STAG3: variants seen among roughly 807,000 people sequenced by gnomAD.
The protein encoded by STAG3 is cohesin subunit SA-3.
Under a neutral mutation model 160.7 loss-of-function variants are expected in STAG3, and 101 were observed. That is an observed-to-expected ratio of 0.63 (90% confidence interval 0.54 to 0.74). The LOEUF (loss-of-function observed/expected upper bound fraction) is 0.74, where lower values mean the gene tolerates loss of function less well. Among genes scored for constraint, STAG3 ranks in the 30% least tolerant of loss-of-function variants. The pLI is 0.00. For synonymous variants in STAG3, 519 were observed against 585.0 expected (o/e 0.89, Z 1.63); for missense variants, 1,188 against 1,517.4 (o/e 0.78, Z 3.61).
chr7:100,188,743 C>T (rs1468500873), intron 6 of STAG3, 69 bp from the exon 7 acceptor site: 1 of 1,503,570 alleles, frequency 6.7e-7, no homozygotes, highest in Non-Finnish European at 9.2e-7. Flanking sequence ...TGAGTTTTGA[C>T]ATCCAAGCCC....
At chr7:100,203,359 T>C (rs1007654163) in intron 25 of STAG3, among the ~76,000 whole-genome samples, 7 of 151,252 alleles carry the variant, frequency 4.6e-5, no homozygotes, top group Non-Finnish European at 1.0e-4. Context: ...CTAATTTTTA[T>C]AGTTTTAGTA....
intron 5 of STAG3, among the ~76,000 whole-genome samples, chr7:100,186,846 C>G (rs553352878): frequency 6.6e-6 from 1 of 151,526 alleles, no homozygotes; most frequent in South Asian, 2.1e-4. Context: ...ACCCTTTGGT[C>G]TTTCTGGATG....
Position 100,211,490 on chromosome 7 carries a change from C to T in STAG3, c.3469C>T (p.Gln1157Ter), listed in dbSNP as rs144728061. The T allele has an allele frequency of 6.8e-6, 11 of 1,613,896 alleles. No individual in the cohort carries two copies. The African/African-American group carries it at 9.3e-5, about 14-fold the overall frequency. The change falls in exon 31 of 34, where the codon CAG (glutamine) becomes TAG (stop). Residue 1157 changes from glutamine to a stop codon, truncating the protein, a stop_gained. Transcript: ENST00000615138. LOFTEE classifies it high-confidence loss of function. ...AAGGTTCTTGGGTCCACAATATTTC[C>T]AGACTCCACACAACCCTTCAGGTCC... ...RSRFLGPQYF[Q>*]TPHNPSGPGL...
chr7:100,180,887 T>G (rs1213098315), intron 2 of STAG3: 3 of 386,740 alleles, frequency 7.8e-6, no homozygotes, highest in Admixed American at 4.3e-5. Flanking sequence ...CCTGTTTTTT[T>G]TTTTTTTTTT....
Position 100,202,601 on chromosome 7 carries a change from GCCC to G in STAG3, c.2700+12_2700+14del. 6.2e-7 allele frequency: 1 copy of G among 1,608,054 alleles called. No homozygotes were observed. The stretch of plus-strand genomic sequence containing the variant: ...AAACACTACAACAAGGTACACCAAG[GCCC>G]TACAGAAATAAAAGAGAAGGGAGCA... On this transcript the variant is annotated intron_variant, in intron 25 of 33. Coordinates refer to ENST00000615138, the MANE Select transcript of STAG3 (RefSeq NM_001282717.2).
At chr7:100,201,484 G>A (rs1025884872) in intron 21 of STAG3, 133 bp downstream of exon 21, 84 of 752,162 alleles carry the variant, frequency 1.1e-4, no homozygotes, top group Admixed American at 6.2e-4. Flanking sequence ...GGTGGGTGGG[G>A]GTCACCTCTT....
chr7:100,197,923 A>G (rs13310513), intron 11 of STAG3, 47 bp downstream of exon 11: 3 of 1,571,844 alleles, frequency 1.9e-6, no homozygotes, highest in South Asian at 1.1e-5. Flanking sequence ...CGTGGTTCCT[A>G]TTTCCCCACC....
rs1584711882 is a variant in STAG3 at position 100,197,990 on chromosome 7, C to T, written c.1165-97C>T. On this transcript the variant is annotated intron_variant, in intron 11 of 33. Coordinates refer to ENST00000615138, the MANE Select transcript of STAG3 (RefSeq NM_001282717.2). ...GTCTTGGCTATCCCAGCATCTGCCT[C>T]TACGTAGGCACTCTCTTTAGGAGTC... 9.4e-6 allele frequency: 14 copies of T among 1,490,246 alleles called. No individual in the cohort carries two copies. The East Asian group carries it at 3.2e-4, about 34-fold the overall frequency. The allele number at this position is 1,490,246 out of a possible 1,614,324, so 92.3% of individuals were successfully genotyped here.
chr7:100,211,341 C>A, intron 30 of STAG3, 94 bp from the exon 31 acceptor site: 1 of 1,497,618 alleles, frequency 6.7e-7, no homozygotes, highest in Non-Finnish European at 9.2e-7. Context: ...TAAAATGCAT[C>A]TCTCTGAGCT....
At chr7:100,204,823 G>GC (rs1217447962) in intron 27 of STAG3, 48 bp downstream of exon 27, 1 of 1,609,216 alleles carries the variant, frequency 6.2e-7, no homozygotes, top group South Asian at 1.1e-5. Context: ...CTGGGAACGA[G>GC]GTCTTGGAGG....
chr7:100,205,706 T>C (rs948284969), intron 29 of STAG3, among the ~76,000 whole-genome samples: 12 of 151,954 alleles, frequency 7.9e-5, no homozygotes, highest in African/African-American at 2.9e-4. Flanking sequence ...GGCGCGCATC[T>C]GTAATCCCAA....
intron 5 of STAG3, among the ~76,000 whole-genome samples, chr7:100,187,275 G>A (rs1275207823): frequency 4.6e-5 from 7 of 151,556 alleles, no homozygotes; most frequent in South Asian, 2.1e-4. Flanking sequence ...CCCCTGCCTC[G>A]ACCTCCCAAA....
chr7:100,216,080 C>A (rs550419995), downstream of STAG3, among the ~76,000 whole-genome samples: 1 of 152,316 alleles, frequency 6.6e-6, no homozygotes, highest in East Asian at 1.9e-4. Flanking sequence ...ATGATTCCAA[C>A]CTTCCCTGTT....
At position 100,201,853 on chromosome 7, in the gene STAG3, C is replaced by T; in HGVS notation, c.2288C>T (p.Ser763Leu). 1 of 1,614,142 alleles carries T rather than the reference C, an allele frequency of 6.2e-7. No homozygotes were observed. Among genetic ancestry groups the T allele is most frequent in the Non-Finnish European group, 8.5e-7 (1 of 1,180,020 alleles). Reference sequence around the variant, plus strand: ...TGGACACTAACCCACATTTCTAAATCAGATGCTTCCCAGGTGAGTGTGGGT... The same window carrying T: ...TGGACACTAACCCACATTTCTAAATTAGATGCTTCCCAGGTGAGTGTGGGT... ...ILWTLTHISKSDASQKQLSSL... is the reference protein window; with the variant it reads ...ILWTLTHISKLDASQKQLSSL... The change falls in exon 22 of 34, where the codon TCA becomes TTA. Residue 763 changes from serine to leucine, a missense_variant. Physicochemically the swap from Ser to Leu is moderately radical, Grantham distance 145. Coordinates refer to ENST00000615138, the MANE Select transcript of STAG3 (RefSeq NM_001282717.2).
chr7:100,198,240 T>G (rs1175318374), intron 12 of STAG3, 74 bp downstream of exon 12: 56 of 1,423,064 alleles, frequency 3.9e-5, no homozygotes, highest in Non-Finnish European at 5.4e-5. Context: ...CCACCTGTCA[T>G]AGCTGACTCT....
At chr7:100,179,896 C>A (rs1212899206) in intron 1 of STAG3, among the ~76,000 whole-genome samples, 1 of 152,108 alleles carries the variant, frequency 6.6e-6, no homozygotes, top group Admixed American at 6.5e-5. Flanking sequence ...CCACCACACC[C>A]GGATAATTTT....
At position 100,188,497 on chromosome 7, in the gene STAG3, A is replaced by T; in HGVS notation, c.478A>T (p.Ile160Phe). The T allele has an allele frequency of 6.2e-7, 1 of 1,613,900 alleles. No homozygotes were observed. Among genetic ancestry groups the T allele is most frequent in the Non-Finnish European group, 8.5e-7 (1 of 1,179,736 alleles). Residue 160 changes from isoleucine to phenylalanine, a missense_variant, in exon 6 of 34, where the codon ATC becomes TTC. By Grantham distance (21) the Ile-to-Phe change is conservative. This residue lies in a region of STAG3 where 296 missense variants were observed against 404.0 expected (regional missense o/e 0.73). Transcript: ENST00000615138. ...EMFKKMSNSE[I>F]IQHLTEQFNE... The stretch of plus-strand genomic sequence containing the variant: ...GTTCAAGAAGATGTCCAACTCAGAG[A>T]TCATCCAGCACCTAACAGAGCAGTT...
intron 5 of STAG3, among the ~76,000 whole-genome samples, chr7:100,187,721 C>T (rs187355587): frequency 4.6e-4 from 70 of 151,804 alleles, no homozygotes; most frequent in African/African-American, 1.6e-3. Context: ...CATGTGCACT[C>T]ATGGCCCTAT....
At chr7:100,211,686 A>G in intron 31 of STAG3, 109 bp from the exon 32 acceptor site, 1 of 1,404,272 alleles carries the variant, frequency 7.1e-7, no homozygotes, top group Non-Finnish European at 9.9e-7. Context: ...TCGGGAAACT[A>G]CTATGCTGTA....
Sources: gnomAD v4.1 joint callset for allele counts (sites outside exome capture counted in the v4.1 genomes callset) on GRCh38, gnomAD v4.1.1 for gene constraint, gnomAD v4.1.1 regional missense constraint, MANE v1.5 for transcripts, NCBI Gene and HGNC (gene_info 2026-07-23, HGNC 2026-07-21) for gene names.